The following KIAA1328 variants were observed in gnomAD, a reference collection of about 807,000 sequenced individuals.
KIAA1328 encodes KIAA1328.
KIAA1328 carries 52 observed loss-of-function variants against 68.1 expected under a neutral mutation model. The ratio of observed to expected loss-of-function variants is 0.76; its 90% CI spans 0.61 to 0.96. KIAA1328 has a LOEUF of 0.96. Among genes scored for constraint, KIAA1328 ranks in the 40% least tolerant of loss-of-function variants. The pLI is 0.00. For missense variants in KIAA1328, 641 were observed against 677.6 expected, an observed-to-expected ratio of 0.95 and a Z score of 0.60; for synonymous variants, 232 against 239.4, an observed-to-expected ratio of 0.97 and a Z score of 0.28.
At chr18:37,225,759 C>T (rs1309323811), downstream of KIAA1328, among the ~76,000 whole-genome samples, 1 of 152,190 alleles carries the variant, frequency 6.6e-6, no homozygotes, top group African/African-American at 2.4e-5. Flanking sequence ...GTGCTCAATT[C>T]TGAGATCACA....
chr18:37,023,268 G>A (rs1156626533), intron 6 of KIAA1328, among the ~76,000 whole-genome samples: 3 of 152,114 alleles, frequency 2.0e-5, no homozygotes, highest in African/African-American at 7.2e-5. Context: ...AGGCTGGTGT[G>A]CTATGGCATG....
At chr18:36,956,276 G>A (rs1359585031) in intron 5 of KIAA1328, among the ~76,000 whole-genome samples, 1 of 152,146 alleles carries the variant, frequency 6.6e-6, no homozygotes, top group Non-Finnish European at 1.5e-5. Flanking sequence ...TGCAATGACT[G>A]CTCTGTCTTC....
intron 5 of KIAA1328, among the ~76,000 whole-genome samples, chr18:36,957,205 C>G (rs551269182): frequency 6.6e-6 from 1 of 152,180 alleles, no homozygotes; most frequent in Non-Finnish European, 1.5e-5. Flanking sequence ...TTAAGGAATA[C>G]TGAAACCAGA....
intron 4 of KIAA1328, among the ~76,000 whole-genome samples, chr18:36,863,622 G>A (rs534628424): frequency 7.4e-4 from 112 of 152,202 alleles, no homozygotes; most frequent in Middle Eastern, 3.4e-3. Flanking sequence ...CGCTGCCTTT[G>A]CTGGGTTGGG....
At chr18:37,185,541 A>G (rs1198001262) in intron 9 of KIAA1328, among the ~76,000 whole-genome samples, 1 of 152,166 alleles carries the variant, frequency 6.6e-6, no homozygotes, top group African/African-American at 2.4e-5. Context: ...TGTGCCTAAT[A>G]GTATCCAAGA....
At chr18:36,945,579 A>G (rs1163869821) in intron 5 of KIAA1328, among the ~76,000 whole-genome samples, 1 of 152,192 alleles carries the variant, frequency 6.6e-6, no homozygotes, top group African/African-American at 2.4e-5. Flanking sequence ...ATACAGTTTT[A>G]TTGAATGTGT....
intron 7 of KIAA1328, among the ~76,000 whole-genome samples, chr18:37,078,377 T>G (rs936109696): frequency 6.6e-6 from 1 of 151,828 alleles, no homozygotes; most frequent in African/African-American, 2.4e-5. Flanking sequence ...ATAAAAACCC[T>G]AGAAGAAAAC....
At chr18:36,971,274 T>C (rs961837634) in intron 6 of KIAA1328, among the ~76,000 whole-genome samples, 1 of 152,200 alleles carries the variant, frequency 6.6e-6, no homozygotes, top group Non-Finnish European at 1.5e-5. Context: ...ACCCCTTCCT[T>C]GCACCTTATA....
intron 6 of KIAA1328, among the ~76,000 whole-genome samples, chr18:37,031,190 A>G (rs1203234633): frequency 6.6e-6 from 1 of 152,158 alleles, no homozygotes; most frequent in Non-Finnish European, 1.5e-5. Context: ...TCCTTTGGGT[A>G]TATACCTTTA....
At chr18:37,210,917 A>G (rs955933983) in intron 9 of KIAA1328, among the ~76,000 whole-genome samples, 10 of 152,294 alleles carry the variant, frequency 6.6e-5, no homozygotes, top group African/African-American at 9.6e-5. Flanking sequence ...AAAATTAGCA[A>G]TGAGGTACAA....
intron 7 of KIAA1328, among the ~76,000 whole-genome samples, chr18:37,081,697 G>T (rs926359959): frequency 9.2e-5 from 14 of 152,144 alleles, no homozygotes; most frequent in Admixed American, 9.2e-4. Context: ...CTTTTCCTAA[G>T]AAATAAAGTT....
intron 9 of KIAA1328, among the ~76,000 whole-genome samples, chr18:37,212,842 T>G (rs1472001354): frequency 1.3e-5 from 2 of 152,154 alleles, no homozygotes; most frequent in African/African-American, 2.4e-5. Context: ...TGCCTCAGCC[T>G]CCCGAGTAGC....
At chr18:37,025,964 C>G (rs544121700) in intron 6 of KIAA1328, among the ~76,000 whole-genome samples, 14 of 152,100 alleles carry the variant, frequency 9.2e-5, no homozygotes, top group South Asian at 4.2e-4. Flanking sequence ...CAACAAAATT[C>G]ATAGACCGCT....
chr18:36,869,542 A>G (rs1185633763), intron 4 of KIAA1328, among the ~76,000 whole-genome samples: 2 of 152,186 alleles, frequency 1.3e-5, no homozygotes, highest in African/African-American at 4.8e-5. Context: ...TTGGTTATGA[A>G]AAGCTGAAAG....
chr18:37,084,512 T>C (rs1470180643), intron 7 of KIAA1328: 1 of 198,562 alleles, frequency 5.0e-6, no homozygotes, highest in East Asian at 1.1e-4. Context: ...TTATAGTCTA[T>C]ATTGAGTATT....
chr18:37,076,246 C>T (rs200013953), intron 7 of KIAA1328, among the ~76,000 whole-genome samples: 23,139 of 151,540 alleles, frequency 0.15, 1,766 homozygotes, highest in African/African-American at 0.2. Context: ...GGGTACATAA[C>T]GAAATGAAGG....
At chr18:37,104,228 A>G (rs1568410770) in intron 7 of KIAA1328, among the ~76,000 whole-genome samples, 1 of 152,222 alleles carries the variant, frequency 6.6e-6, no homozygotes, top group Non-Finnish European at 1.5e-5. Context: ...CGTGTTTATT[A>G]TAGCACTATT....
At chr18:37,219,244 C>T (rs2060508643) in intron 9 of KIAA1328, among the ~76,000 whole-genome samples, 2 of 152,192 alleles carry the variant, frequency 1.3e-5, no homozygotes, top group African/African-American at 4.8e-5. Context: ...AGGTGTCAGT[C>T]GGCCCCTACT....
At chr18:36,973,812 T>TACACACACACACACATAC (rs2052341614) in intron 6 of KIAA1328, among the ~76,000 whole-genome samples, 1 of 103,614 alleles carries the variant, frequency 9.7e-6, no homozygotes, top group Non-Finnish European at 2.0e-5. Flanking sequence ...TGTACGCACA[T>TACACACACACACACATAC]ACACACACAC....
Sources: gnomAD v4.1 joint callset for allele counts (sites outside exome capture counted in the v4.1 genomes callset) on GRCh38, gnomAD v4.1.1 for gene constraint, MANE v1.5 for transcripts, NCBI Gene and HGNC (gene_info 2026-07-23, HGNC 2026-07-21) for gene names.